The following FOXP2 variants were observed in gnomAD, a reference collection of about 807,000 sequenced individuals.
FOXP2 encodes the protein forkhead box protein P2.
FOXP2 carries 12 observed loss-of-function variants against 115.8 expected under a neutral mutation model. The ratio of observed to expected loss-of-function variants is 0.10; its 90% CI spans 0.07 to 0.17. FOXP2 has a LOEUF of 0.17. FOXP2 is among the 10% of genes least tolerant of loss of function. The pLI, the probability that FOXP2 is intolerant of heterozygous loss-of-function variation, is 1.00. For missense variants in FOXP2, 629 were observed against 843.5 expected, an observed-to-expected ratio of 0.75 and a Z score of 3.15; for synonymous variants, 328 against 297.7, an observed-to-expected ratio of 1.10 and a Z score of -1.05.
At chr7:114,674,148 T>C (rs1317715180) in intron 16 of FOXP2, among the ~76,000 whole-genome samples, 1 of 152,234 alleles carries the variant, frequency 6.6e-6, no homozygotes, top group Non-Finnish European at 1.5e-5. Context: ...CTGAAAATAA[T>C]ATTCCTTTGC....
At chr7:114,688,346 G>A (rs758100753) in intron 16 of FOXP2, among the ~76,000 whole-genome samples, 1 of 150,824 alleles carries the variant, frequency 6.6e-6, no homozygotes, top group Admixed American at 6.6e-5. Flanking sequence ...AAAAACAAAG[G>A]CTAAAGCAAA....
At chr7:114,284,917 T>A (rs1032838615) in intron 1 of FOXP2, among the ~76,000 whole-genome samples, 3 of 152,094 alleles carry the variant, frequency 2.0e-5, no homozygotes, top group African/African-American at 7.2e-5. Context: ...CTTAGCAAAC[T>A]AATGCAGGAA....
chr7:114,657,038 TAC>T (rs1806628893), intron 10 of FOXP2, among the ~76,000 whole-genome samples: 4 of 152,194 alleles, frequency 2.6e-5, no homozygotes, highest in Admixed American at 6.6e-5. Flanking sequence ...TTGTATAGCC[TAC>T]TGTATAAAGT....
chr7:114,115,225 G>A (rs1304757189), intron 1 of FOXP2, among the ~76,000 whole-genome samples: 4 of 151,878 alleles, frequency 2.6e-5, no homozygotes, highest in Non-Finnish European at 5.9e-5. Flanking sequence ...TTCTGTATCT[G>A]TGCCTACCAG....
At chr7:114,446,907 C>G (rs1479864248) in intron 2 of FOXP2, among the ~76,000 whole-genome samples, 1 of 151,946 alleles carries the variant, frequency 6.6e-6, no homozygotes, top group African/African-American at 2.4e-5. Context: ...TGCCAACACA[C>G]CTGGCTAATT....
chr7:114,258,140 A>T (rs1486963399), intron 1 of FOXP2, among the ~76,000 whole-genome samples: 4 of 152,184 alleles, frequency 2.6e-5, no homozygotes, highest in African/African-American at 9.6e-5. Context: ...AACCAGAAAT[A>T]CTAGGAAGCT....
At chr7:114,557,715 A>G (rs1399473367) in intron 3 of FOXP2, among the ~76,000 whole-genome samples, 3 of 152,144 alleles carry the variant, frequency 2.0e-5, no homozygotes, top group African/African-American at 7.2e-5. Context: ...TGCAATTCAG[A>G]TAAGTTATAT....
At chr7:114,241,451 G>T (rs80006872) in intron 1 of FOXP2, among the ~76,000 whole-genome samples, 2,275 of 152,112 alleles carry the variant, frequency 0.015, 22 homozygotes, top group Non-Finnish European at 0.026. Context: ...TTTAAGTCAT[G>T]CACAAATCTA....
At chr7:114,507,747 C>T (rs1004922147) in intron 2 of FOXP2, among the ~76,000 whole-genome samples, 7 of 151,850 alleles carry the variant, frequency 4.6e-5, no homozygotes, top group African/African-American at 1.4e-4. Context: ...AAGCAAACTC[C>T]CCTGTTGACT....
chr7:114,486,256 A>G (rs1008929316), intron 2 of FOXP2, among the ~76,000 whole-genome samples: 19 of 152,124 alleles, frequency 1.2e-4, no homozygotes, highest in African/African-American at 4.6e-4. Flanking sequence ...CATATCTTAC[A>G]TGGTGGCAGG....
At chr7:114,303,902 A>G (rs983483185) in intron 2 of FOXP2, among the ~76,000 whole-genome samples, 1 of 152,040 alleles carries the variant, frequency 6.6e-6, no homozygotes, top group African/African-American at 2.4e-5. Context: ...TCTCTTATTT[A>G]TTATTTCACA....
At chr7:114,110,088 TC>T (rs1791229803) in intron 1 of FOXP2, among the ~76,000 whole-genome samples, 1 of 152,154 alleles carries the variant, frequency 6.6e-6, no homozygotes, top group East Asian at 1.9e-4. Flanking sequence ...TGCCACCTAT[TC>T]ACAGAGCAAC....
chr7:114,258,221 G>T (rs1164061646), intron 1 of FOXP2, among the ~76,000 whole-genome samples: 1 of 152,024 alleles, frequency 6.6e-6, no homozygotes, highest in Non-Finnish European at 1.5e-5. Context: ...AATGGCAGAT[G>T]GTAATTCAAG....
At chr7:114,193,027 A>G (rs1225902270) in intron 1 of FOXP2, among the ~76,000 whole-genome samples, 1 of 152,148 alleles carries the variant, frequency 6.6e-6, no homozygotes, top group Admixed American at 6.5e-5. Context: ...GCCTTAGACC[A>G]GTGGTCCTCC....
chr7:114,143,449 A>G (rs1278116906), intron 1 of FOXP2, among the ~76,000 whole-genome samples: 1 of 152,090 alleles, frequency 6.6e-6, no homozygotes, highest in African/African-American at 2.4e-5. Flanking sequence ...GTAGTAACAA[A>G]CAATGCCCCC....
At chr7:114,479,340 T>C (rs1199622457) in intron 2 of FOXP2, among the ~76,000 whole-genome samples, 1 of 151,536 alleles carries the variant, frequency 6.6e-6, no homozygotes, top group Non-Finnish European at 1.5e-5. Flanking sequence ...AGAGGGAATC[T>C]AGTTCATCAC....
intron 2 of FOXP2, among the ~76,000 whole-genome samples, chr7:114,477,662 C>G (rs1796340922): frequency 6.6e-6 from 1 of 151,720 alleles, no homozygotes; most frequent in Admixed American, 6.6e-5. Context: ...AAAGTAATCT[C>G]TCTATATATA....
At chr7:114,328,186 T>C (rs1797606396) in intron 2 of FOXP2, among the ~76,000 whole-genome samples, 1 of 151,816 alleles carries the variant, frequency 6.6e-6, no homozygotes, top group African/African-American at 2.4e-5. Context: ...CCCAAAGTGC[T>C]GAGATTACAG....
intron 2 of FOXP2, among the ~76,000 whole-genome samples, chr7:114,465,039 C>T (rs1336064119): frequency 6.6e-6 from 1 of 152,164 alleles, no homozygotes; most frequent in East Asian, 1.9e-4. Flanking sequence ...TGGATACTGT[C>T]TTAGAAGATG....
Sources: allele counts gnomAD v4.1 joint callset (sites outside exome capture counted in the v4.1 genomes callset), GRCh38; gene constraint gnomAD v4.1.1; transcripts MANE v1.5; gene names NCBI Gene and HGNC (gene_info 2026-07-23, HGNC 2026-07-21).